ZSWIM6: variants seen among roughly 807,000 people sequenced by gnomAD.
ZSWIM6 encodes zinc finger SWIM domain-containing protein 6.
ZSWIM6 carries 9 observed loss-of-function variants against 113.2 expected under a neutral mutation model. That is an observed-to-expected ratio of 0.08 (90% confidence interval 0.05 to 0.14). The LOEUF (loss-of-function observed/expected upper bound fraction) is 0.14, where lower values mean the gene tolerates loss of function less well. ZSWIM6 is among the 10% of genes least tolerant of loss of function. ZSWIM6 has a pLI of 1.00. For missense variants in ZSWIM6, 1,162 were observed against 1,552.2 expected (o/e 0.75, Z 4.22); for synonymous variants, 611 against 606.5 (o/e 1.01, Z -0.11).
chr5:61,510,620 G>A (rs1028603746), intron 4 of ZSWIM6, among the ~76,000 whole-genome samples: 3 of 152,062 alleles, frequency 2.0e-5, no homozygotes, highest in Admixed American at 6.6e-5. Flanking sequence ...TATTAGAAAG[G>A]AGAGTAGAAA....
intron 1 of ZSWIM6, among the ~76,000 whole-genome samples, chr5:61,421,122 G>A (rs188568370): frequency 8.9e-4 from 136 of 152,096 alleles, no homozygotes; most frequent in Non-Finnish European, 8.8e-5. Context: ...GTTTTGCCAC[G>A]ATGCCCAGGC....
At position 61,543,087 on chromosome 5, in the gene ZSWIM6, T is replaced by A. The variant is rs1438100556; in HGVS notation, c.2786-368T>A. Among the ~76,000 whole-genome samples the A allele has an allele frequency of 6.6e-6, 1 of 152,206 alleles. No individual in the cohort carries two copies. The highest frequency in any genetic ancestry group is 2.4e-5 in the African/African-American group (1 of 41,440). On this transcript the variant is annotated intron_variant, in intron 13 of 13. Coordinates refer to ENST00000252744, the MANE Select transcript of ZSWIM6 (RefSeq NM_020928.2). This position sits in a 1 kb window ranked among gnomAD's most constrained non-coding sequence, Gnocchi z 4.3. ...ACACAAGCACATAAGCCATGTAAAG[T>A]CCCTGTTTTGGTGAGGTTGCAATTT...
chr5:61,380,813 T>C (rs1462231692), intron 1 of ZSWIM6, among the ~76,000 whole-genome samples: 1 of 152,142 alleles, frequency 6.6e-6, no homozygotes, highest in East Asian at 1.9e-4. Context: ...CATAAAATCA[T>C]TTATGGGCCG....
intron 1 of ZSWIM6, among the ~76,000 whole-genome samples, chr5:61,365,360 A>AC (rs1387502098): frequency 1.3e-5 from 2 of 151,112 alleles, no homozygotes; most frequent in Non-Finnish European, 3.0e-5. Flanking sequence ...TCAAAAAAAA[A>AC]AAATTATATA....
At chr5:61,459,067 C>G (rs1367365662) in intron 1 of ZSWIM6, among the ~76,000 whole-genome samples, 1 of 152,108 alleles carries the variant, frequency 6.6e-6, no homozygotes, top group Non-Finnish European at 1.5e-5. Context: ...ACTTAATTAG[C>G]ACTCTTTCAC....
Position 61,545,971 on chromosome 5 carries a change from G to T in ZSWIM6, c.*1654G>T, listed in dbSNP as rs999739917. ...TTTGTTTAGAAGAACTATTTCATGC[G>T]CTCCATTTTATTTATTATAATAGGT... On this transcript the variant is annotated 3_prime_UTR_variant, in exon 14 of 14. Coordinates refer to ENST00000252744, the MANE Select transcript of ZSWIM6 (RefSeq NM_020928.2). 1 of 151,714 alleles carries T rather than the reference G, an allele frequency of 6.6e-6. No homozygotes were observed. Among genetic ancestry groups the T allele is most frequent in the Non-Finnish European group, 1.5e-5 (1 of 67,946 alleles). 9.4% of individuals were successfully genotyped at this position (151,714 alleles called of 1,614,324 possible).
At chr5:61,490,990 T>C in intron 3 of ZSWIM6, 56 bp downstream of exon 3, 6 of 1,418,954 alleles carry the variant, frequency 4.2e-6, no homozygotes, top group Non-Finnish European at 4.7e-6. Context: ...ATAGGGACTA[T>C]CTGAATATGA....
intron 2 of ZSWIM6, among the ~76,000 whole-genome samples, chr5:61,487,806 G>A (rs1748060819): frequency 6.6e-6 from 1 of 152,022 alleles, no homozygotes; most frequent in African/African-American, 2.4e-5. Context: ...CTAGATGGAA[G>A]ATTGTATCAT....
chr5:61,368,950 A>C (rs1441212587), intron 1 of ZSWIM6, among the ~76,000 whole-genome samples: 1 of 152,212 alleles, frequency 6.6e-6, no homozygotes, highest in Non-Finnish European at 1.5e-5. Flanking sequence ...TGCTTAACTA[A>C]AAAGGCTTCT....
intron 4 of ZSWIM6, among the ~76,000 whole-genome samples, chr5:61,512,580 A>G (rs1367496636): frequency 1.3e-5 from 2 of 152,098 alleles, no homozygotes; most frequent in Non-Finnish European, 2.9e-5. Context: ...AACACTCTTC[A>G]AACAGCAATT....
rs376833320 is a variant in ZSWIM6 at position 61,401,541 on chromosome 5, T to C, written c.676+68593T>C. On this transcript the variant is annotated intron_variant, in intron 1 of 13. Coordinates refer to ENST00000252744, the MANE Select transcript of ZSWIM6 (RefSeq NM_020928.2). The stretch of plus-strand genomic sequence containing the variant: ...AAAATATCTCATATATTATGAGGTA[T>C]ATGAGATAGGTTAAAAAATCTGAAT... Among the ~76,000 whole-genome samples the C allele has an allele frequency of 6.6e-5, 10 of 152,212 alleles. No individual in the cohort carries two copies. In the South Asian group the frequency reaches 1.2e-3, roughly 19 times the overall value.
At chr5:61,443,605 A>G (rs1057107311) in intron 1 of ZSWIM6, among the ~76,000 whole-genome samples, 3 of 152,190 alleles carry the variant, frequency 2.0e-5, no homozygotes, top group African/African-American at 7.2e-5. Context: ...TTTACACTTG[A>G]TATCACAAAA....
In ZSWIM6 at chr5:61,528,677, T is replaced by A. The variant is rs569672754; in HGVS notation, c.1838-1375T>A. 7.9e-5 allele frequency among the ~76,000 whole-genome samples: 12 copies of A among 151,804 alleles called. No individual in the cohort carries two copies. The East Asian group carries it at 2.3e-3, about 30-fold the overall frequency. On this transcript the variant is annotated intron_variant, in intron 7 of 13. Transcript: ENST00000252744. ...ATCTCGGCTTACTGCAGCCTCTGCA[T>A]CCTGGGTTCAAGCGATTCTCCTGCC...
rs1023089963 is a variant in ZSWIM6, at chr5:61,526,260, T to C, written c.1701T>C (p.Pro567=). The C allele has an allele frequency of 6.8e-5, 105 of 1,550,910 alleles. No individual in the cohort carries two copies. The highest frequency in any genetic ancestry group is 8.7e-5 in the Non-Finnish European group (100 of 1,146,838). The change falls in exon 7 of 14, where the codon CCT becomes CCC. Residue 567 remains proline (P), a synonymous_variant. Coordinates refer to ENST00000252744, the MANE Select transcript of ZSWIM6 (RefSeq NM_020928.2). The part of the protein sequence containing the change: ...RGWPLWHEHV[P]TACARVDALR... ...GACTTTCTGTTTTAGAACATGTTCC[T>C]ACAGCCTGTGCAAGAGTGGACGCAT...
intron 1 of ZSWIM6, among the ~76,000 whole-genome samples, chr5:61,453,950 T>A (rs1747143679): frequency 6.6e-6 from 1 of 152,174 alleles, no homozygotes. Flanking sequence ...TCAGTGAATC[T>A]TCTTTGCAGC....
At chr5:61,409,319 C>T (rs1205397232) in intron 1 of ZSWIM6, among the ~76,000 whole-genome samples, 3 of 151,888 alleles carry the variant, frequency 2.0e-5, no homozygotes, top group Non-Finnish European at 4.4e-5. Context: ...AATTTACTTA[C>T]CTGCAGTCCA....
At chr5:61,387,798 C>T (rs1745619014) in intron 1 of ZSWIM6, among the ~76,000 whole-genome samples, 1 of 151,562 alleles carries the variant, frequency 6.6e-6, no homozygotes, top group Non-Finnish European at 1.5e-5. Context: ...GTAATCCCAG[C>T]TACTCGGGAG....
chr5:61,448,071 G>T (rs1468640259), intron 1 of ZSWIM6, among the ~76,000 whole-genome samples: 1 of 152,134 alleles, frequency 6.6e-6, no homozygotes, highest in Non-Finnish European at 1.5e-5. Context: ...AGACCTGATG[G>T]TTTCTTGAGA....
chr5:61,350,737 G>C (rs1040984988), intron 1 of ZSWIM6, among the ~76,000 whole-genome samples: 1 of 152,148 alleles, frequency 6.6e-6, no homozygotes, highest in African/African-American at 2.4e-5. Flanking sequence ...ATTAGGAGGC[G>C]TCTTGTCTTA....
Sources: gnomAD v4.1 joint callset for allele counts (sites outside exome capture counted in the v4.1 genomes callset) on GRCh38, gnomAD v4.1.1 for gene constraint, Gnocchi (gnomAD v3.1) non-coding constraint, MANE v1.5 for transcripts, NCBI Gene and HGNC (gene_info 2026-07-23, HGNC 2026-07-21) for gene names.